RGS6: variants seen among roughly 807,000 people sequenced by gnomAD.
The protein encoded by RGS6 is regulator of G-protein signaling 6.
A neutral mutation model predicts 78.5 loss-of-function variants in RGS6; 30 were observed. That is an observed-to-expected ratio of 0.38 (90% CI 0.29 to 0.52). The LOEUF (loss-of-function observed/expected upper bound fraction) is 0.52. Among genes scored for constraint, RGS6 ranks in the 20% least tolerant of loss-of-function variants. The probability of loss-of-function intolerance (pLI) is 0.85; values close to 1 mark genes in which losing one functional copy is unlikely to be tolerated. For missense variants in RGS6, 495 were observed against 609.7 expected (o/e 0.81, Z 1.98); for synonymous variants, 206 against 206.0 (o/e 1.00, Z 0.00).
At chr14:72,335,507 A>AG (rs1459696270) in intron 2 of RGS6, among the ~76,000 whole-genome samples, 4 of 152,178 alleles carry the variant, frequency 2.6e-5, no homozygotes, top group Non-Finnish European at 5.9e-5. Flanking sequence ...TTGGCTCAAC[A>AG]GGTGCTTCTA....
chr14:72,189,370 A>G (rs1402743806), intron 2 of RGS6, among the ~76,000 whole-genome samples: 1 of 152,158 alleles, frequency 6.6e-6, no homozygotes, highest in East Asian at 1.9e-4. Flanking sequence ...TGCCTCATGA[A>G]GTTTATAGTC....
At chr14:72,487,724 G>A (rs574239011) in intron 12 of RGS6, among the ~76,000 whole-genome samples, 59 of 152,272 alleles carry the variant, frequency 3.9e-4, no homozygotes, top group African/African-American at 3.1e-4. Context: ...AAGGAACATC[G>A]CCCTGCTGAC....
At chr14:72,441,889 G>A (rs1388847416) in intron 3 of RGS6, among the ~76,000 whole-genome samples, 1 of 152,230 alleles carries the variant, frequency 6.6e-6, no homozygotes, top group African/African-American at 2.4e-5. Flanking sequence ...GCATTGCCCA[G>A]AGGCCCAGCT....
intron 2 of RGS6, among the ~76,000 whole-genome samples, chr14:72,315,904 A>G (rs566201151): frequency 6.6e-6 from 1 of 151,984 alleles, no homozygotes; most frequent in East Asian, 1.9e-4. Context: ...TTCCACCCCC[A>G]CTCTATCTTG....
chr14:72,365,966 C>T (rs1440934862), intron 3 of RGS6, among the ~76,000 whole-genome samples: 1 of 152,020 alleles, frequency 6.6e-6, no homozygotes, highest in East Asian at 1.9e-4. Flanking sequence ...AGTGAGGAGC[C>T]AAAGTCCTGG....
the RGS6 span, among the ~76,000 whole-genome samples, chr14:71,890,647 C>T: frequency 6.6e-6 from 1 of 152,200 alleles, no homozygotes; most frequent in African/African-American, 2.4e-5. Context: ...ATAACTGTTA[C>T]AATTTATTTT....
chr14:72,060,288 GTATT>G (rs2093826849), intron 2 of RGS6, among the ~76,000 whole-genome samples: 2 of 150,980 alleles, frequency 1.3e-5, no homozygotes, highest in South Asian at 4.2e-4. Context: ...TTCCCTGCAA[GTATT>G]TATTCATTTA....
intron 2 of RGS6, among the ~76,000 whole-genome samples, chr14:72,317,086 A>C (rs1483030244): frequency 6.6e-6 from 1 of 152,170 alleles, no homozygotes. Context: ...TGCTGGCTGT[A>C]GCACTGGTTG....
intron 3 of RGS6, among the ~76,000 whole-genome samples, chr14:72,387,473 C>T (rs939921942): frequency 6.6e-6 from 1 of 151,670 alleles, no homozygotes; most frequent in Non-Finnish European, 1.5e-5. Flanking sequence ...GGCGTGAACC[C>T]AGGAGGCAGA....
chr14:72,614,124 T>G, the RGS6 span, among the ~76,000 whole-genome samples: 40,762 of 152,092 alleles, frequency 0.27, 6,828 homozygotes, highest in East Asian at 0.65. Context: ...TCAGGGCTGG[T>G]GGCCGTGGCC....
intron 2 of RGS6, among the ~76,000 whole-genome samples, chr14:72,299,309 C>G (rs2065564242): frequency 6.6e-6 from 1 of 152,186 alleles, no homozygotes; most frequent in African/African-American, 2.4e-5. Flanking sequence ...CCACTCCTCT[C>G]TTTTCAGTCT....
intron 12 of RGS6, among the ~76,000 whole-genome samples, chr14:72,484,064 A>C (rs2096439028): frequency 6.6e-6 from 1 of 151,826 alleles, no homozygotes; most frequent in Non-Finnish European, 1.5e-5. Context: ...TTCCTTTCTA[A>C]TCAGATCCTT....
At chr14:71,975,318 T>C (rs2094052511) in intron 2 of RGS6, among the ~76,000 whole-genome samples, 1 of 152,256 alleles carries the variant, frequency 6.6e-6, no homozygotes, top group African/African-American at 2.4e-5. Context: ...TATTCCTCCT[T>C]CGAATGTAAT....
At chr14:72,224,051 A>G (rs1462078424) in intron 2 of RGS6, among the ~76,000 whole-genome samples, 3 of 152,256 alleles carry the variant, frequency 2.0e-5, no homozygotes, top group African/African-American at 7.2e-5. Context: ...ACTTGCATTT[A>G]TCATTGGGAT....
intron 2 of RGS6, among the ~76,000 whole-genome samples, chr14:72,312,682 G>A (rs779937366): frequency 7.2e-5 from 11 of 152,264 alleles, no homozygotes; most frequent in East Asian, 1.9e-4. Context: ...TAGCTCATGC[G>A]TCGACAGGAG....
intron 2 of RGS6, among the ~76,000 whole-genome samples, chr14:72,135,611 A>G (rs1266687034): frequency 1.3e-5 from 2 of 151,352 alleles, no homozygotes; most frequent in African/African-American, 4.9e-5. Context: ...TGAGTAGCCT[A>G]ATATTCTTTT....
intron 2 of RGS6, among the ~76,000 whole-genome samples, chr14:72,103,763 G>C (rs998251165): frequency 6.6e-6 from 1 of 152,166 alleles, no homozygotes; most frequent in Admixed American, 6.5e-5. Flanking sequence ...GCCACTTGCC[G>C]CCTAGACTCA....
At chr14:71,965,640 A>T (rs1360298085) in intron 2 of RGS6, among the ~76,000 whole-genome samples, 1 of 152,228 alleles carries the variant, frequency 6.6e-6, no homozygotes, top group Non-Finnish European at 1.5e-5. Flanking sequence ...GTGTTGAATT[A>T]GACAATTTAA....
chr14:72,012,750 T>C (rs2086042163), intron 2 of RGS6, among the ~76,000 whole-genome samples: 1 of 152,230 alleles, frequency 6.6e-6, no homozygotes, highest in Admixed American at 6.5e-5. Flanking sequence ...ATTTGAATTG[T>C]GCCTCAACCA....
Sources: gnomAD v4.1 joint callset for allele counts (sites outside exome capture counted in the v4.1 genomes callset) on GRCh38, gnomAD v4.1.1 for gene constraint, MANE v1.5 for transcripts, NCBI Gene and HGNC (gene_info 2026-07-23, HGNC 2026-07-21) for gene names.